TSHZ2: variants seen among roughly 807,000 people sequenced by gnomAD.
TSHZ2 encodes teashirt zinc finger homeobox 2.
A neutral mutation model predicts 74.4 loss-of-function variants in TSHZ2; 21 were observed. The ratio of observed to expected loss-of-function variants is 0.28; its 90% CI spans 0.20 to 0.41. The LOEUF (loss-of-function observed/expected upper bound fraction) is 0.41. Among genes scored for constraint, TSHZ2 ranks in the 10% least tolerant of loss-of-function variants. The pLI is 1.00. For synonymous variants in TSHZ2, 540 were observed against 515.3 expected (o/e 1.05, Z -0.65); for missense variants, 1,244 against 1,293.5 (o/e 0.96, Z 0.59).
intron 1 of TSHZ2, among the ~76,000 whole-genome samples, chr20:53,018,013 C>G (rs1475622120): frequency 6.6e-6 from 1 of 152,106 alleles, no homozygotes. Context: ...AACATCGCAT[C>G]AATAGGATTC....
intron 1 of TSHZ2, among the ~76,000 whole-genome samples, chr20:53,040,939 T>G (rs1355522305): frequency 1.3e-5 from 2 of 152,128 alleles, no homozygotes; most frequent in Non-Finnish European, 2.9e-5. Context: ...CAGCAGCTGC[T>G]TTCTTTACCG....
chr20:53,324,136 C>T (rs915224072), intron 2 of TSHZ2, among the ~76,000 whole-genome samples: 8 of 152,092 alleles, frequency 5.3e-5, no homozygotes, highest in East Asian at 3.9e-4. Flanking sequence ...TTTTTAGCTC[C>T]GGCGTTTTTG....
intron 2 of TSHZ2, among the ~76,000 whole-genome samples, chr20:53,297,985 G>A (rs1302891300): frequency 6.6e-6 from 1 of 152,210 alleles, no homozygotes; most frequent in Non-Finnish European, 1.5e-5. Flanking sequence ...TTCCAGGTGG[G>A]TGAGCAGGGG....
At chr20:53,323,060 A>C (rs1328702037) in intron 2 of TSHZ2, among the ~76,000 whole-genome samples, 1 of 152,206 alleles carries the variant, frequency 6.6e-6, no homozygotes, top group Non-Finnish European at 1.5e-5. Flanking sequence ...AAGCCACAAA[A>C]GTCCCAAGCA....
chr20:53,434,873 G>A (rs1331574792), intron 2 of TSHZ2, among the ~76,000 whole-genome samples: 4 of 152,250 alleles, frequency 2.6e-5, no homozygotes, highest in East Asian at 3.8e-4. Context: ...CAGCTGCTGA[G>A]CGTGTGCTGA....
intron 2 of TSHZ2, among the ~76,000 whole-genome samples, chr20:53,479,109 G>A (rs1000368655): frequency 6.6e-6 from 1 of 151,130 alleles, no homozygotes; most frequent in African/African-American, 2.4e-5. Context: ...AGGTTGCAGT[G>A]AGCCAAGATC....
chr20:52,983,433 C>T (rs770828597), intron 1 of TSHZ2, among the ~76,000 whole-genome samples: 1 of 152,174 alleles, frequency 6.6e-6, no homozygotes, highest in Non-Finnish European at 1.5e-5. Context: ...CTGAGTTAGT[C>T]CTTGGCACCG....
rs989727577 is a variant in TSHZ2, at chr20:53,129,712, G to A, written c.41-123787G>A. Among the ~76,000 whole-genome samples the A allele has an allele frequency of 5.9e-5, 9 of 152,074 alleles. No individual in the cohort carries two copies. In the South Asian group the frequency reaches 6.2e-4, roughly 11 times the overall value. ...ACAATGAATGAAGGTCGGCGCTGAC[G>A]GTGCAAGTTTGGCTGTCAGTCTACG... On this transcript the variant is annotated intron_variant, in intron 1 of 2. Coordinates refer to ENST00000371497, the MANE Select transcript of TSHZ2 (RefSeq NM_173485.6).
rs1266146189 is a variant in TSHZ2, at chr20:53,050,203, A to ATG, written c.40+76872_40+76873dup. Among the ~76,000 whole-genome samples, 5 of 146,922 alleles carry ATG rather than the reference A, an allele frequency of 3.4e-5. No homozygotes were observed. In the East Asian group the frequency reaches 5.9e-4, roughly 17 times the overall value. ...CATATATATGTATATATATATATGT[A>ATG]TGTATATATATGAATGTTTATATAT... On this transcript the variant is annotated intron_variant, in intron 1 of 2. Coordinates refer to ENST00000371497, the MANE Select transcript of TSHZ2 (RefSeq NM_173485.6).
At chr20:53,174,820 T>A (rs909236556) in intron 1 of TSHZ2, among the ~76,000 whole-genome samples, 2 of 152,112 alleles carry the variant, frequency 1.3e-5, no homozygotes, top group African/African-American at 4.8e-5. Flanking sequence ...CAGCACTTTT[T>A]AAATTGGGTC....
intron 2 of TSHZ2, chr20:53,455,555 TG>T (rs920320374): frequency 2.0e-5 from 3 of 152,110 alleles, no homozygotes; most frequent in Admixed American, 6.6e-5. Context: ...CAGTTGAATA[TG>T]TTTTTCTTTT....
intron 2 of TSHZ2, among the ~76,000 whole-genome samples, chr20:53,375,078 A>C (rs1981614112): frequency 6.6e-6 from 1 of 152,170 alleles, no homozygotes; most frequent in South Asian, 2.1e-4. Flanking sequence ...ACACACATGC[A>C]CAGAAACACA....
intron 2 of TSHZ2, among the ~76,000 whole-genome samples, chr20:53,305,031 G>A (rs1203287779): frequency 6.6e-6 from 1 of 151,678 alleles, no homozygotes. Flanking sequence ...CGCCTCCCAG[G>A]TTCACGCCAT....
At chr20:53,223,267 A>T (rs893100056) in intron 1 of TSHZ2, among the ~76,000 whole-genome samples, 2 of 152,156 alleles carry the variant, frequency 1.3e-5, no homozygotes, top group South Asian at 2.1e-4. Flanking sequence ...TTTAACATGA[A>T]TTTTTTTAAC....
At chr20:53,450,799 G>C (rs1006417781) in intron 2 of TSHZ2, among the ~76,000 whole-genome samples, 2 of 152,172 alleles carry the variant, frequency 1.3e-5, no homozygotes, top group Admixed American at 6.5e-5. Flanking sequence ...TGGGATTACA[G>C]TCATGTAATC....
chr20:53,484,484 C>G (rs1986241411), intron 2 of TSHZ2, among the ~76,000 whole-genome samples: 1 of 150,822 alleles, frequency 6.6e-6, no homozygotes, highest in South Asian at 2.1e-4. Flanking sequence ...CTCCCAGGTT[C>G]AAGCGATTCT....
At chr20:53,340,940 AAT>A (rs1980174138) in intron 2 of TSHZ2, among the ~76,000 whole-genome samples, 3 of 152,148 alleles carry the variant, frequency 2.0e-5, no homozygotes, top group Non-Finnish European at 4.4e-5. Flanking sequence ...AATTGAGCGC[AAT>A]TATTCCTACC....
At chr20:53,185,145 A>C in intron 1 of TSHZ2, 2 of 958,184 alleles carry the variant, frequency 2.1e-6, no homozygotes, top group Non-Finnish European at 2.5e-6. Context: ...ATGACCCAGA[A>C]TTATAGAAGA....
intron 1 of TSHZ2, among the ~76,000 whole-genome samples, chr20:53,175,143 T>C (rs1164042239): frequency 7.1e-6 from 1 of 140,622 alleles, no homozygotes; most frequent in Non-Finnish European, 1.5e-5. Context: ...TTTTTTTTTT[T>C]TTTTTTTTTT....
Sources: allele counts gnomAD v4.1 joint callset (sites outside exome capture counted in the v4.1 genomes callset), GRCh38; gene constraint gnomAD v4.1.1; transcripts MANE v1.5; gene names NCBI Gene and HGNC (gene_info 2026-07-23, HGNC 2026-07-21).